The following PALB2 variants were observed in gnomAD, a reference collection of about 807,000 sequenced individuals.
The protein encoded by PALB2 is mutant partner and localizer of BRCA2.
PALB2 carries 82 observed loss-of-function variants against 107.4 expected under a neutral mutation model. The ratio of observed to expected loss-of-function variants is 0.76; its 90% CI spans 0.64 to 0.92. The LOEUF (loss-of-function observed/expected upper bound fraction) is 0.92. Ranked by LOEUF, PALB2 falls within the 40% of genes least tolerant of loss-of-function variation. The pLI, the probability that PALB2 is intolerant of heterozygous loss-of-function variation, is 0.00. For missense variants in PALB2, 1,374 were observed against 1,379.9 expected, an observed-to-expected ratio of 1.00 and a Z score of 0.07; for synonymous variants, 489 against 496.8, an observed-to-expected ratio of 0.98 and a Z score of 0.21.
intron 4 of PALB2, among the ~76,000 whole-genome samples, chr16:23,634,524 T>C (rs1212791417): frequency 6.6e-6 from 1 of 152,146 alleles, no homozygotes; most frequent in Non-Finnish European, 1.5e-5. Context: ...TGGTGGTACA[T>C]GCCAGTAGTC....
At chr16:23,619,706 C>T (rs1966740494) in intron 10 of PALB2, among the ~76,000 whole-genome samples, 1 of 152,112 alleles carries the variant, frequency 6.6e-6, no homozygotes, top group African/African-American at 2.4e-5. Flanking sequence ...GGAATTTTAA[C>T]ATTTACTGAA....
intron 4 of PALB2, among the ~76,000 whole-genome samples, chr16:23,633,413 CA>C (rs989854100): frequency 6.6e-6 from 1 of 152,156 alleles, no homozygotes; most frequent in African/African-American, 2.4e-5. Flanking sequence ...TTGAGACAGA[CA>C]GAACACAAAG....
chr16:23,630,151 A>G lies in PALB2; in HGVS notation c.2003T>C (p.Met668Thr). The G allele has an allele frequency of 6.2e-7, 1 of 1,614,124 alleles. No homozygotes were observed. Among genetic ancestry groups the G allele is most frequent in the South Asian group, 1.1e-5 (1 of 91,082 alleles). The change falls in exon 5 of 13, where the codon ATG (methionine) becomes ACG (threonine). Residue 668 changes from methionine (M) to threonine (T), a missense_variant. Coordinates refer to ENST00000261584, the MANE Select transcript of PALB2 (RefSeq NM_024675.4). ...ELSPKRMDTE[M>T]EDLEEDLIVL... Reference sequence around the variant, plus strand: ...AATAAGGTCCTCTTCTAAGTCCTCCATTTCTGTATCCATGCGTTTAGGACT... The same window carrying G: ...AATAAGGTCCTCTTCTAAGTCCTCCGTTTCTGTATCCATGCGTTTAGGACT...
intron 6 of PALB2, among the ~76,000 whole-genome samples, chr16:23,626,923 T>C (rs933374294): frequency 6.6e-6 from 1 of 151,678 alleles, no homozygotes; most frequent in African/African-American, 2.4e-5. Flanking sequence ...GCCCGGCCCA[T>C]GAAAGATTTT....
chr16:23,608,984 T>C (rs541463478), intron 11 of PALB2, among the ~76,000 whole-genome samples: 1 of 152,022 alleles, frequency 6.6e-6, no homozygotes, highest in East Asian at 1.9e-4. Context: ...TGCGCCACCA[T>C]GCCTGGCTAA....
chr16:23,616,661 A>G (rs1176706395), intron 10 of PALB2, among the ~76,000 whole-genome samples: 1 of 152,172 alleles, frequency 6.6e-6, no homozygotes, highest in Non-Finnish European at 1.5e-5. Context: ...ACATAAGTAG[A>G]GACCCAGATA....
rs587782657 is a variant in PALB2 at position 23,635,432 on chromosome 16, T to C, written c.1114A>G (p.Ser372Gly). 3.1e-6 allele frequency: 5 copies of C among 1,614,048 alleles called. No individual in the cohort carries two copies. The highest frequency in any genetic ancestry group is 4.2e-6 in the Non-Finnish European group (5 of 1,179,896). ...CTCTTAGGTTGACTTAGAATCTCAC[T>C]TTCCTGAAGATTTTCATTCCTGCCA... Reference protein sequence around the residue: ...LDGRNENLQESEILSQPKSLS... With the variant: ...LDGRNENLQEGEILSQPKSLS... Residue 372 changes from serine (S) to glycine (G), a missense_variant, in exon 4 of 13, where the codon AGT (serine) becomes GGT (glycine). Physicochemically the swap from Ser to Gly is moderately conservative, Grantham distance 56. Coordinates refer to ENST00000261584, the MANE Select transcript of PALB2 (RefSeq NM_024675.4).
At chr16:23,621,228 C>T in intron 10 of PALB2, 134 bp downstream of exon 10, 2 of 717,504 alleles carry the variant, frequency 2.8e-6, no homozygotes, top group South Asian at 1.5e-5. Context: ...ACAAAAACAA[C>T]AACAACAGCA....
chr16:23,639,189 C>T (rs986999562), intron 1 of PALB2, among the ~76,000 whole-genome samples: 21 of 152,036 alleles, frequency 1.4e-4, no homozygotes, highest in African/African-American at 4.6e-4. Context: ...TTTCAACCAA[C>T]AAAACATCAA....
chr16:23,640,482 T>A (rs960709999), intron 1 of PALB2: 2 of 212,558 alleles, frequency 9.4e-6, no homozygotes, highest in Non-Finnish European at 1.9e-5. Context: ...CCAGCATGGG[T>A]GGCAGAGTGA....
chr16:23,624,534 T>A (rs114444715), intron 7 of PALB2, among the ~76,000 whole-genome samples: 5,055 of 152,150 alleles, frequency 0.033, 118 homozygotes, highest in Middle Eastern at 0.088. Context: ...TTTTTTTGAG[T>A]CGGAGTTTCA....
chr16:23,607,662 T>C (rs565296919), intron 12 of PALB2, among the ~76,000 whole-genome samples: 6 of 152,196 alleles, frequency 3.9e-5, no homozygotes, highest in South Asian at 4.2e-4. Context: ...TATAACCCCA[T>C]ACTAGTAGAG....
At chr16:23,618,978 C>A (rs1350285069) in intron 10 of PALB2, among the ~76,000 whole-genome samples, 1 of 152,058 alleles carries the variant, frequency 6.6e-6, no homozygotes, top group Admixed American at 6.6e-5. Context: ...GGGAAGGGCA[C>A]AACGTTTCTC....
chr16:23,640,437 G>A, intron 1 of PALB2: 1 of 203,922 alleles, frequency 4.9e-6, no homozygotes, highest in East Asian at 7.5e-5. Context: ...CCAGGAAGCG[G>A]AGGTTGCAGT....
At position 23,630,164 on chromosome 16, in the gene PALB2, T is replaced by A. The variant is rs752714298; in HGVS notation, c.1990A>T (p.Met664Leu). Residue 664 changes from methionine (M) to leucine (L), a missense_variant, in exon 5 of 13, where the codon ATG (methionine) becomes TTG (leucine). Coordinates refer to ENST00000261584, the MANE Select transcript of PALB2 (RefSeq NM_024675.4). ...TCTAAGTCCTCCATTTCTGTATCCA[T>A]GCGTTTAGGACTCAGTTCCTCTGGA... is the stretch of plus-strand genomic sequence containing the variant. Reference protein sequence around the residue: ...IFPEELSPKRMDTEMEDLEED... With the variant: ...IFPEELSPKRLDTEMEDLEED... 1 of 1,614,226 alleles carries A rather than the reference T, an allele frequency of 6.2e-7. No individual in the cohort carries two copies. The highest frequency in any genetic ancestry group is 8.5e-7 in the Non-Finnish European group (1 of 1,180,040).
chr16:23,630,984 C>T (rs569077787), intron 4 of PALB2, among the ~76,000 whole-genome samples: 25 of 151,426 alleles, frequency 1.7e-4, no homozygotes, highest in African/African-American at 6.1e-4. Context: ...AAAAATAAGG[C>T]CAGGCATGGT....
chr16:23,607,122 A>G (rs1036973958), intron 12 of PALB2, among the ~76,000 whole-genome samples: 1 of 152,106 alleles, frequency 6.6e-6, no homozygotes, highest in African/African-American at 2.4e-5. Context: ...ATACTTATCT[A>G]TAGATAAATA....
At position 23,614,094 on chromosome 16, in the gene PALB2, T is replaced by C. The variant is rs1060502784; in HGVS notation, c.3114-3A>G. 1 of 1,592,912 alleles carries C rather than the reference T, an allele frequency of 6.3e-7. No homozygotes were observed. The highest frequency in any genetic ancestry group is 8.6e-7 in the Non-Finnish European group (1 of 1,161,232). ...GGAGTTGACCAGTTTTTAAATTCCT[T>C]AGATAACAAAAATAAATAAGCTGAT... On this transcript the variant is annotated splice_region_variant and splice_polypyrimidine_tract_variant and intron_variant, in intron 10 of 12. Transcript: ENST00000261584.
intron 10 of PALB2, among the ~76,000 whole-genome samples, chr16:23,616,547 G>A (rs1364396820): frequency 2.0e-5 from 3 of 152,114 alleles, no homozygotes; most frequent in Admixed American, 1.3e-4. Context: ...TACTGAAATT[G>A]TAGGCTTTGA....
Sources: allele counts gnomAD v4.1 joint callset (sites outside exome capture counted in the v4.1 genomes callset), GRCh38; gene constraint gnomAD v4.1.1; transcripts MANE v1.5; gene names NCBI Gene and HGNC (gene_info 2026-07-23, HGNC 2026-07-21).